Variants in BCL11A observed in about 807,000 individuals in gnomAD.
BCL11A encodes the protein B cell CLL/lymphoma 11A.
BCL11A carries 2 observed loss-of-function variants against 55.9 expected under a neutral mutation model. That is an observed-to-expected ratio of 0.04 (90% CI 0.01 to 0.11). The LOEUF is 0.11. Among genes scored for constraint, BCL11A ranks in the 10% least tolerant of loss-of-function variants. The pLI is 1.00. For missense variants in BCL11A, 817 were observed against 1,137.1 expected (o/e 0.72, Z 4.05); for synonymous variants, 465 against 473.4 (o/e 0.98, Z 0.23).
At chr2:60,488,826 C>A (rs903310714) in intron 2 of BCL11A, among the ~76,000 whole-genome samples, 2 of 152,202 alleles carry the variant, frequency 1.3e-5, no homozygotes, top group Non-Finnish European at 2.9e-5. Context: ...ATGGCGCAAT[C>A]TCGGCTCACC....
intron 3 of BCL11A, among the ~76,000 whole-genome samples, chr2:60,465,464 G>C (rs1056639400): frequency 6.6e-6 from 1 of 152,080 alleles, no homozygotes; most frequent in Non-Finnish European, 1.5e-5. Flanking sequence ...ACATCAAAAG[G>C]GTTAAAATCA....
downstream of BCL11A, chr2:60,457,098 C>T (rs530590217): frequency 7.2e-6 from 2 of 278,696 alleles, no homozygotes; most frequent in Non-Finnish European, 1.1e-5. Flanking sequence ...TAGAAATAAT[C>T]CTGAAAAAGA....
At position 60,459,742 on chromosome 2, in the gene BCL11A, C is replaced by G; in HGVS notation, c.*662G>C. The G allele has an allele frequency of 9.6e-7, 1 of 1,039,566 alleles. No individual in the cohort carries two copies. Among genetic ancestry groups the G allele is most frequent in the Non-Finnish European group, 1.2e-6 (1 of 862,800 alleles). The allele number at this position is 1,039,566 out of a possible 1,614,324, so 64.4% of individuals were successfully genotyped here. On this transcript the variant is annotated 3_prime_UTR_variant, in exon 4 of 4. Transcript: ENST00000642384. ...CTGTTTTTCTGTTAATTTGTCAATT[C>G]AAGGCCTTTTTTCTTCCTTTCCAAT...
chr2:60,550,468 G>T (rs1292489325), intron 1 of BCL11A, among the ~76,000 whole-genome samples: 3 of 151,532 alleles, frequency 2.0e-5, no homozygotes, highest in Non-Finnish European at 4.4e-5. Context: ...GGTGGGGGAG[G>T]CTCTGGTACA....
chr2:60,525,632 CCAGTCCAAACTAT>C (rs1215536776), intron 2 of BCL11A: 1 of 151,996 alleles, frequency 6.6e-6, no homozygotes, highest in Non-Finnish European at 1.5e-5. Context: ...AGAGACCCAC[CCAGTCCAAACTAT>C]CTATTTTACC....
chr2:60,499,202 CT>C (rs1679131002), intron 2 of BCL11A, among the ~76,000 whole-genome samples: 1 of 152,200 alleles, frequency 6.6e-6, no homozygotes, highest in Admixed American at 6.5e-5. Flanking sequence ...GCCACAGAAC[CT>C]AAGGCCTGGT....
At chr2:60,473,441 A>G (rs1427967300) in intron 2 of BCL11A, among the ~76,000 whole-genome samples, 1 of 152,048 alleles carries the variant, frequency 6.6e-6, no homozygotes, top group Non-Finnish European at 1.5e-5. Context: ...CGCAGTCCAT[A>G]ATCCTCAAGT....
In BCL11A at chr2:60,500,399, A is replaced by G. The variant is rs193117806; in HGVS notation, c.386-31566T>C. Among the ~76,000 whole-genome samples, 433 of 152,304 alleles carry G rather than the reference A, an allele frequency of 2.8e-3. 10 individuals carry two copies. Among genetic ancestry groups the G allele is most frequent in the Admixed American group, 3.9e-3 (60 of 15,306 alleles). Reference sequence around the variant, plus strand: ...TAACCGTGCCTCTGTGGGCTGACAGATGTGCCTTCAGAGAAGGGCAGGGAG... The same window carrying G: ...TAACCGTGCCTCTGTGGGCTGACAGGTGTGCCTTCAGAGAAGGGCAGGGAG... On this transcript the variant is annotated intron_variant, in intron 2 of 3. Transcript: ENST00000642384.
downstream of BCL11A, among the ~76,000 whole-genome samples, chr2:60,456,551 C>T (rs147457607): frequency 4.4e-3 from 663 of 152,260 alleles, 3 homozygotes; most frequent in Non-Finnish European, 7.4e-3. Context: ...GTGGCTGATT[C>T]CAAAGATTTC....
intron 2 of BCL11A, among the ~76,000 whole-genome samples, chr2:60,494,880 G>C (rs2104348532): frequency 6.6e-6 from 1 of 152,238 alleles, no homozygotes; most frequent in East Asian, 1.9e-4. Context: ...AGGGAAAAGG[G>C]AGAGGAAAAA....
At chr2:60,518,787 C>T (rs1668847783) in intron 2 of BCL11A, among the ~76,000 whole-genome samples, 1 of 152,174 alleles carries the variant, frequency 6.6e-6, no homozygotes, top group South Asian at 2.1e-4. Flanking sequence ...ATTTTAAGGA[C>T]TCATCAATTA....
At chr2:60,480,773 A>T (rs1327268434) in intron 2 of BCL11A, among the ~76,000 whole-genome samples, 1 of 152,126 alleles carries the variant, frequency 6.6e-6, no homozygotes, top group East Asian at 1.9e-4. Context: ...ATTGGTCTCA[A>T]TTACTAGTCT....
chr2:60,541,962 T>A, intron 2 of BCL11A: 1 of 687,386 alleles, frequency 1.5e-6, no homozygotes, highest in Non-Finnish European at 2.7e-6. Context: ...AAAGAAAAGG[T>A]AAGTTCATTT....
In BCL11A at chr2:60,459,386, T is replaced by G; in HGVS notation, c.*1018A>C. The G allele has an allele frequency of 9.8e-7, 1 of 1,020,500 alleles. No individual in the cohort carries two copies. Among genetic ancestry groups the G allele is most frequent in the Non-Finnish European group, 1.2e-6 (1 of 850,392 alleles). The allele number at this position is 1,020,500 out of a possible 1,614,324, so 63.2% of individuals were successfully genotyped here. ...ATTACACATTCAATTTAATCATTGT[T>G]TAAAAAAAATAAAACTTTGGGCAAA... On this transcript the variant is annotated 3_prime_UTR_variant, in exon 4 of 4. Transcript: ENST00000642384.
chr2:60,518,489 A>G (rs1012171903), intron 2 of BCL11A, among the ~76,000 whole-genome samples: 2 of 152,192 alleles, frequency 1.3e-5, no homozygotes, highest in African/African-American at 4.8e-5. Flanking sequence ...AATATGAATA[A>G]AGAGTGAGCA....
intron 2 of BCL11A, among the ~76,000 whole-genome samples, chr2:60,488,779 G>A (rs1166890931): frequency 6.6e-6 from 1 of 152,074 alleles, no homozygotes; most frequent in Non-Finnish European, 1.5e-5. Flanking sequence ...TTGTTTCTGA[G>A]GTGGAGTTTC....
At chr2:60,552,321 G>C (rs1214371052) in intron 1 of BCL11A, among the ~76,000 whole-genome samples, 5 of 152,048 alleles carry the variant, frequency 3.3e-5, no homozygotes, top group African/African-American at 9.7e-5. Context: ...CGGTCGGGAG[G>C]GGAGGGCAGC....
chr2:60,530,332 T>TAA (rs10699821), intron 2 of BCL11A, among the ~76,000 whole-genome samples: 26,365 of 129,836 alleles, frequency 0.2, 3,639 homozygotes, highest in Non-Finnish European at 0.31. Flanking sequence ...TTCAGCCATT[T>TAA]AAAAAAAAAA....
rs1326549727 is a variant in BCL11A, at chr2:60,458,395, T to TC, written c.*2008dup. ...AGACAATGGAACCCTAAAATGCAGT[T>TC]CCCCCCTAAACATAATGAAGTGTTT... On this transcript the variant is annotated 3_prime_UTR_variant, in exon 4 of 4. Coordinates refer to ENST00000642384, the MANE Select transcript of BCL11A (RefSeq NM_022893.4). The TC allele has an allele frequency of 7.8e-6, 8 of 1,023,478 alleles. No individual in the cohort carries two copies. The highest frequency in any genetic ancestry group is 6.3e-5 in the East Asian group (1 of 15,808). 63.4% of individuals were successfully genotyped at this position (1,023,478 alleles called of 1,614,324 possible).
Sources: allele counts gnomAD v4.1 joint callset (sites outside exome capture counted in the v4.1 genomes callset), GRCh38; gene constraint gnomAD v4.1.1; transcripts MANE v1.5; gene names NCBI Gene and HGNC (gene_info 2026-07-23, HGNC 2026-07-21).